Variants in BTBD7 observed in about 807,000 individuals in gnomAD.
BTBD7 encodes BTB domain containing 7.
A neutral mutation model predicts 99.9 loss-of-function variants in BTBD7; 38 were observed. The ratio of observed to expected loss-of-function variants is 0.38; its 90% CI spans 0.29 to 0.50. The LOEUF is 0.50. BTBD7 is among the 20% of genes least tolerant of loss of function. The probability of loss-of-function intolerance (pLI) is 0.93; values close to 1 mark genes in which losing one functional copy is unlikely to be tolerated. For missense variants in BTBD7, 1,170 were observed against 1,394.6 expected (o/e 0.84, Z 2.57); for synonymous variants, 520 against 511.4 (o/e 1.02, Z -0.23).
chr14:93,289,297 T>C, intron 3 of BTBD7, among the ~76,000 whole-genome samples: 1 of 152,222 alleles, frequency 6.6e-6, no homozygotes, highest in East Asian at 1.9e-4. Flanking sequence ...TCTAATACCA[T>C]ACATAAAGAT....
chr14:93,287,216 G>A (rs1224567185), intron 3 of BTBD7, among the ~76,000 whole-genome samples: 4 of 131,470 alleles, frequency 3.0e-5, no homozygotes, highest in Admixed American at 2.8e-4. Flanking sequence ...GCGACAGAGC[G>A]AGACTCTGTC....
At position 93,332,808 on chromosome 14, in the gene BTBD7, A is replaced by T; in HGVS notation, c.-107+12T>A. On this transcript the variant is annotated intron_variant, in intron 1 of 10. Coordinates refer to ENST00000334746, the MANE Select transcript of BTBD7 (RefSeq NM_001002860.4). The stretch of plus-strand genomic sequence containing the variant: ...CGGCTCCACAGCCTCAGAGACACCA[A>T]GGGACACTCACCCCGGAGGCTCCTC... 6.8e-7 allele frequency: 1 copy of T among 1,476,164 alleles called. No homozygotes were observed. Among genetic ancestry groups the T allele is most frequent in the Non-Finnish European group, 8.9e-7 (1 of 1,119,978 alleles). 91.4% of individuals were successfully genotyped at this position (1,476,164 alleles called of 1,614,324 possible). A position where few individuals can be genotyped will look rare whatever the true frequency, so the allele number is the denominator to read the frequency against.
chr14:93,244,176 GA>G (rs35233204), intron 10 of BTBD7: 7 of 437,772 alleles, frequency 1.6e-5, no homozygotes, highest in East Asian at 1.3e-4. Flanking sequence ...TGATTTTCCC[GA>G]AAAAGGGTAA....
chr14:93,327,032 G>A (rs1461185948), intron 1 of BTBD7, among the ~76,000 whole-genome samples: 2 of 151,854 alleles, frequency 1.3e-5, no homozygotes, highest in Admixed American at 6.6e-5. Flanking sequence ...ATGGTGGCAC[G>A]TGCCTGTATT....
intron 3 of BTBD7, among the ~76,000 whole-genome samples, chr14:93,268,822 G>C (rs1343792388): frequency 1.4e-5 from 2 of 142,452 alleles, no homozygotes; most frequent in East Asian, 4.2e-4. Context: ...GCAGCAGCAC[G>C]ATCTCAGCTC....
intron 6 of BTBD7, among the ~76,000 whole-genome samples, chr14:93,254,784 C>T (rs2052411127): frequency 6.6e-6 from 1 of 152,196 alleles, no homozygotes; most frequent in African/African-American, 2.4e-5. Context: ...GCACCTAGTA[C>T]AGTGCTTAGC....
chr14:93,318,132 C>T (rs539667811), intron 1 of BTBD7, among the ~76,000 whole-genome samples: 96 of 152,272 alleles, frequency 6.3e-4, no homozygotes, highest in African/African-American at 2.3e-3. Context: ...GGTGATCTTG[C>T]GGATTCAAAA....
At position 93,292,042 on chromosome 14, in the gene BTBD7, CTGGGCATGG is replaced by C. The variant is rs1457846394; in HGVS notation, c.1162+1807_1162+1815del. 2.0e-5 allele frequency among the ~76,000 whole-genome samples: 3 copies of C among 152,204 alleles called. No individual in the cohort carries two copies. In the East Asian group the frequency reaches 5.8e-4, roughly 29 times the overall value. On this transcript the variant is annotated intron_variant, in intron 3 of 10. Transcript: ENST00000334746. ...TCTCTACTAAAAATACAGAAATTAG[CTGGGCATGG>C]TGGCAGGAGCCTGTAATCCCAGCTA...
chr14:93,290,783 C>T (rs1261785384), intron 3 of BTBD7, among the ~76,000 whole-genome samples: 6 of 151,618 alleles, frequency 4.0e-5, no homozygotes, highest in African/African-American at 9.7e-5. Context: ...CTCCATCTCC[C>T]GGGTTCAAAC....
chr14:93,260,828 C>T (rs1296624404), intron 5 of BTBD7, among the ~76,000 whole-genome samples: 1 of 152,210 alleles, frequency 6.6e-6, no homozygotes, highest in Non-Finnish European at 1.5e-5. Flanking sequence ...GCTGGGATTA[C>T]AGGCGTGAGC....
intron 3 of BTBD7, among the ~76,000 whole-genome samples, chr14:93,270,138 C>T (rs529271431): frequency 6.6e-6 from 1 of 152,236 alleles, no homozygotes; most frequent in South Asian, 2.1e-4. Context: ...CTCTTGTTGC[C>T]AGACTGGAGT....
At chr14:93,290,511 CTTTTT>C (rs10548430) in intron 3 of BTBD7, among the ~76,000 whole-genome samples, 4 of 76,534 alleles carry the variant, frequency 5.2e-5, no homozygotes, top group Admixed American at 3.2e-4. Flanking sequence ...TGCACTTGGC[CTTTTT>C]TTTTTTTTTT....
rs2139668305 is a variant in BTBD7, at chr14:93,242,371, C to T, written c.3301G>A (p.Ala1101Thr). 1 of 1,614,198 alleles carries T rather than the reference C, an allele frequency of 6.2e-7. No individual in the cohort carries two copies. Among genetic ancestry groups the T allele is most frequent in the Non-Finnish European group, 8.5e-7 (1 of 1,180,042 alleles). Residue 1101 changes from alanine (A) to threonine (T), a missense_variant, in exon 11 of 11, where the codon GCT becomes ACT. By Grantham distance (58) the Ala-to-Thr change is moderately conservative. Around this residue, in one of 4 missense-constraint regions of BTBD7, gnomAD observed 495 missense variants for 525.9 expected, o/e 0.94. Transcript: ENST00000334746. ...LADSESLGHG[A>T]QRNTDLERED... Reference sequence around the variant, plus strand: ...CTTTCCAAATCTGTATTTCTCTGAGCTCCATGGCCCAGGGACTCACTGTCT... The same window carrying T: ...CTTTCCAAATCTGTATTTCTCTGAGTTCCATGGCCCAGGGACTCACTGTCT...
intron 1 of BTBD7, among the ~76,000 whole-genome samples, chr14:93,329,658 T>A (rs150377829): frequency 6.6e-6 from 1 of 152,362 alleles, no homozygotes; most frequent in East Asian, 1.9e-4. Context: ...TGGATGGACC[T>A]TGATGACATT....
Position 93,263,925 on chromosome 14 carries a change from G to A in BTBD7, c.1231C>T (p.His411Tyr), listed in dbSNP as rs201183090. ...TLIAILKWSSHPYGSKWVHRQ... is the reference protein window; with the variant it reads ...TLIAILKWSSYPYGSKWVHRQ... ...TGCACCCATTTAGAGCCATATGGATGAGAACTCCACTTGAGGATGGCAATT... is the reference window on the plus strand; with the variant it reads ...TGCACCCATTTAGAGCCATATGGATAAGAACTCCACTTGAGGATGGCAATT... Residue 411 changes from histidine (H) to tyrosine (Y), a missense_variant, in exon 4 of 11, where the codon CAT becomes TAT. His to Tyr is a moderately conservative substitution (Grantham distance 83). Around this residue, in one of 4 missense-constraint regions of BTBD7, gnomAD observed 309 missense variants for 342.0 expected, o/e 0.90. Transcript: ENST00000334746. The A allele has an allele frequency of 6.2e-7, 1 of 1,614,188 alleles. No individual in the cohort carries two copies. Among genetic ancestry groups the A allele is most frequent in the East Asian group, 2.2e-5 (1 of 44,884 alleles).
At chr14:93,246,372 G>C in intron 9 of BTBD7, 86 bp from the exon 10 acceptor site, 1 of 1,325,982 alleles carries the variant, frequency 7.5e-7, no homozygotes, top group Admixed American at 3.0e-5. Flanking sequence ...ATTAAGTGAG[G>C]TACTTAAGAA....
At chr14:93,329,353 A>G (rs867787877) in intron 1 of BTBD7, among the ~76,000 whole-genome samples, 4 of 151,452 alleles carry the variant, frequency 2.6e-5, no homozygotes, top group African/African-American at 7.3e-5. Flanking sequence ...GAATATTAGG[A>G]AAAAAAAACC....
chr14:93,272,220 T>G (rs1261545577), intron 3 of BTBD7, among the ~76,000 whole-genome samples: 2 of 152,072 alleles, frequency 1.3e-5, no homozygotes, highest in African/African-American at 4.8e-5. Context: ...AGGTAGAGAT[T>G]GCAGTGAGCC....
At chr14:93,255,099 C>T (rs2052414322) in intron 6 of BTBD7, among the ~76,000 whole-genome samples, 1 of 152,080 alleles carries the variant, frequency 6.6e-6, no homozygotes, top group Non-Finnish European at 1.5e-5. Context: ...AAAGTCAATA[C>T]TCATTACAAC....
Sources: gnomAD v4.1 joint callset for allele counts (sites outside exome capture counted in the v4.1 genomes callset) on GRCh38, gnomAD v4.1.1 for gene constraint, gnomAD v4.1.1 regional missense constraint, MANE v1.5 for transcripts, NCBI Gene and HGNC (gene_info 2026-07-23, HGNC 2026-07-21) for gene names.